Variants in PLVAP observed in about 807,000 individuals in gnomAD.
The protein encoded by PLVAP is plasmalemma vesicle-associated protein.
Under a neutral mutation model 43.1 loss-of-function variants are expected in PLVAP, and 34 were observed. The ratio of observed to expected loss-of-function variants is 0.79; its 90% confidence interval spans 0.60 to 1.05. The LOEUF is 1.05. PLVAP is among the 50% of genes least tolerant of loss of function. PLVAP has a pLI of 0.00. For missense variants in PLVAP, 574 were observed against 593.4 expected, an observed-to-expected ratio of 0.97 and a Z score of 0.34; for synonymous variants, 241 against 237.3, an observed-to-expected ratio of 1.02 and a Z score of -0.14.
At chr19:17,364,838 T>C (rs2074542111) in intron 3 of PLVAP, among the ~76,000 whole-genome samples, 2 of 145,238 alleles carry the variant, frequency 1.4e-5, no homozygotes, top group African/African-American at 5.1e-5. Flanking sequence ...AATGGCTCGA[T>C]CTTGGCTCAC....
Position 17,366,695 on chromosome 19 carries a change from A to G in PLVAP, c.370-500T>C, listed in dbSNP as rs534795479. Among the ~76,000 whole-genome samples the G allele has an allele frequency of 5.6e-3, 793 of 142,598 alleles. 2 individuals carry two copies. Among genetic ancestry groups the G allele is most frequent in the Non-Finnish European group, 9.1e-3 (596 of 65,438 alleles). The allele number at this position is 142,598 out of a possible 152,430, so 93.5% of individuals were successfully genotyped here. ...TGCCCAGGCTGGAGTGCAGTGGCGCAATCTTGGCTCACCACAACCTCTGCC... is the reference window on the plus strand; with the variant it reads ...TGCCCAGGCTGGAGTGCAGTGGCGCGATCTTGGCTCACCACAACCTCTGCC... On this transcript the variant is annotated intron_variant, in intron 1 of 5. Coordinates refer to ENST00000252590, the MANE Select transcript of PLVAP (RefSeq NM_031310.3).
In PLVAP at chr19:17,352,382, G is replaced by A. The variant is rs1212492238; in HGVS notation, c.1323-14C>T. On this transcript the variant is annotated splice_polypyrimidine_tract_variant and intron_variant, in intron 5 of 5. Coordinates refer to ENST00000252590, the MANE Select transcript of PLVAP (RefSeq NM_031310.3). ...CCTCCTCAGCCACTAGGGCAGGAAGGGGATGGTAACACAACAGAGTGTCAG... is the reference window on the plus strand; with the variant it reads ...CCTCCTCAGCCACTAGGGCAGGAAGAGGATGGTAACACAACAGAGTGTCAG... The A allele has an allele frequency of 6.2e-7, 1 of 1,613,166 alleles. No individual in the cohort carries two copies.
At chr19:17,369,187 T>TG (rs1039226484) in intron 1 of PLVAP, among the ~76,000 whole-genome samples, 17 of 151,388 alleles carry the variant, frequency 1.1e-4, no homozygotes, top group African/African-American at 3.9e-4. Context: ...TGTTTTTTTT[T>TG]TTGTTGTTGT....
chr19:17,373,974 C>A (rs969695428), intron 1 of PLVAP, among the ~76,000 whole-genome samples: 3 of 151,914 alleles, frequency 2.0e-5, no homozygotes, highest in African/African-American at 7.3e-5. Flanking sequence ...CCAGCCTGGC[C>A]AACATGGTGA....
At chr19:17,374,060 G>T (rs999036896) in intron 1 of PLVAP, among the ~76,000 whole-genome samples, 1 of 152,196 alleles carries the variant, frequency 6.6e-6, no homozygotes, top group Non-Finnish European at 1.5e-5. Context: ...TACTCGGGAG[G>T]CTGAGGCAAC....
chr19:17,360,581 C>A lies in PLVAP; in HGVS notation c.1269G>T (p.Arg423Ser). The change falls in exon 5 of 6, where the codon AGG (arginine) becomes AGT (serine). Residue 423 changes from arginine (R) to serine (S), a missense_variant. Physicochemically the swap from Arg to Ser is moderately radical, Grantham distance 110. Coordinates refer to ENST00000252590, the MANE Select transcript of PLVAP (RefSeq NM_031310.3). The part of the protein sequence containing the change: ...IDPASLEEFK[R>S]KILESQRPPA... Reference sequence around the variant, plus strand: ...GGGGCCTCTGGGACTCCAGGATCTTCCTCTTGAACTCCTCCAGGCTAGCTG... The same window carrying A: ...GGGGCCTCTGGGACTCCAGGATCTTACTCTTGAACTCCTCCAGGCTAGCTG... 2 of 1,613,668 alleles carry A rather than the reference C, an allele frequency of 1.2e-6. No homozygotes were observed. The highest frequency in any genetic ancestry group is 1.7e-6 in the Non-Finnish European group (2 of 1,179,758).
chr19:17,364,002 G>A (rs189391646), intron 3 of PLVAP, among the ~76,000 whole-genome samples: 9 of 151,670 alleles, frequency 5.9e-5, no homozygotes, highest in Middle Eastern at 3.4e-3. Context: ...CACCTCGGCC[G>A]CCCAAAGTGC....
At chr19:17,367,153 G>A (rs1343410045) in intron 1 of PLVAP, among the ~76,000 whole-genome samples, 2 of 151,130 alleles carry the variant, frequency 1.3e-5, no homozygotes, top group East Asian at 1.9e-4. Flanking sequence ...CCATGCTGCC[G>A]AGGCTGGTCT....
chr19:17,352,357 C>T lies in PLVAP; in HGVS notation c.*5G>A. The T allele has an allele frequency of 6.2e-7, 1 of 1,613,718 alleles. No individual in the cohort carries two copies. Among genetic ancestry groups the T allele is most frequent in the Non-Finnish European group, 8.5e-7 (1 of 1,179,734 alleles). ...CATCCCTTGGTCCTCAGGCCTGGAGCCTCCTCAGCCACTAGGGCAGGAAGG... is the reference window on the plus strand; with the variant it reads ...CATCCCTTGGTCCTCAGGCCTGGAGTCTCCTCAGCCACTAGGGCAGGAAGG... On this transcript the variant is annotated 3_prime_UTR_variant, in exon 6 of 6. Coordinates refer to ENST00000252590, the MANE Select transcript of PLVAP (RefSeq NM_031310.3).
At chr19:17,371,522 C>T (rs1438990223) in intron 1 of PLVAP, among the ~76,000 whole-genome samples, 4 of 151,970 alleles carry the variant, frequency 2.6e-5, no homozygotes, top group Non-Finnish European at 5.9e-5. Flanking sequence ...CATGGTCTCA[C>T]TCTGCCACCC....
Position 17,377,240 on chromosome 19 carries a change from TGCCCCC to T in PLVAP, c.43_48del (p.Gly15_Gly16del). On this transcript the variant is annotated inframe_deletion, in exon 1 of 6. Coordinates refer to ENST00000252590, the MANE Select transcript of PLVAP (RefSeq NM_031310.3). Reference sequence around the variant, plus strand: ...AGGTAATACCAGCAGCCCCGAGAGCTGCCCCCCGCCCGAGCGTAGGACCCTCCGTGC... The same window carrying T: ...AGGTAATACCAGCAGCCCCGAGAGCTCGCCCGAGCGTAGGACCCTCCGTGC... 6.2e-7 allele frequency: 1 copy of T among 1,614,034 alleles called. No individual in the cohort carries two copies. The highest frequency in any genetic ancestry group is 8.5e-7 in the Non-Finnish European group (1 of 1,179,952).
intron 1 of PLVAP, among the ~76,000 whole-genome samples, chr19:17,371,651 T>C (rs1183422332): frequency 6.6e-6 from 1 of 152,012 alleles, no homozygotes; most frequent in Non-Finnish European, 1.5e-5. Flanking sequence ...CCACCACTCC[T>C]GGCTAATTTT....
chr19:17,372,837 C>A (rs1301332751), intron 1 of PLVAP, among the ~76,000 whole-genome samples: 1 of 149,528 alleles, frequency 6.7e-6, no homozygotes, highest in Non-Finnish European at 1.5e-5. Context: ...CCAAGGCGGG[C>A]GGATCACGAG....
Position 17,351,616 on chromosome 19 carries a change from C to A in PLVAP, c.*746G>T, listed in dbSNP as rs2074485165. 1 of 152,240 alleles carries A rather than the reference C, an allele frequency of 6.6e-6. No homozygotes were observed. The highest frequency in any genetic ancestry group is 1.5e-5 in the Non-Finnish European group (1 of 68,056). 9.4% of individuals were successfully genotyped at this position (152,240 alleles called of 1,614,324 possible). A position where few individuals can be genotyped will look rare whatever the true frequency, so the allele number is the denominator to read the frequency against. ...CCTGGAAACACTCACGCTCAAGGAG[C>A]GGAGGTGAATGGCTTCCTGTTCTCA... On this transcript the variant is annotated 3_prime_UTR_variant, in exon 6 of 6. Coordinates refer to ENST00000252590, the MANE Select transcript of PLVAP (RefSeq NM_031310.3).
rs773739320 is a variant in PLVAP, at chr19:17,365,350, G to A, written c.1115C>T (p.Ala372Val). The A allele has an allele frequency of 2.2e-5, 35 of 1,613,160 alleles. No homozygotes were observed. Among genetic ancestry groups the A allele is most frequent in the Non-Finnish European group, 2.5e-5 (30 of 1,180,014 alleles). Residue 372 changes from alanine (A) to valine (V), a missense_variant, in exon 3 of 6, where the codon GCG (alanine) becomes GTG (valine). By Grantham distance (64) the Ala-to-Val change is moderately conservative. Coordinates refer to ENST00000252590, the MANE Select transcript of PLVAP (RefSeq NM_031310.3). ...AKELEEKKRE[A>V]EQLRMELAIR... ...GGCCAGCTCCATCCTGAGCTGCTCC[G>A]CCTCCCTCTTCTTCTCTTCCAGCTC...
At chr19:17,368,140 C>CG (rs1568376092) in intron 1 of PLVAP, among the ~76,000 whole-genome samples, 1 of 146,260 alleles carries the variant, frequency 6.8e-6, no homozygotes, top group Admixed American at 7.0e-5. Flanking sequence ...GGCATGATCT[C>CG]GGCTCACTGC....
chr19:17,375,867 C>A (rs183976076), intron 1 of PLVAP, among the ~76,000 whole-genome samples: 1 of 132,016 alleles, frequency 7.6e-6, no homozygotes, highest in Non-Finnish European at 1.6e-5. Flanking sequence ...GGTGACAGAG[C>A]GAGACTCCGT....
chr19:17,367,213 A>T, intron 1 of PLVAP, among the ~76,000 whole-genome samples: 1 of 150,248 alleles, frequency 6.7e-6, no homozygotes, highest in South Asian at 2.1e-4. Context: ...CCAGCCCTGA[A>T]TTTTTTTGTT....
intron 2 of PLVAP, 28 bp from the exon 3 acceptor site, chr19:17,366,026 G>A (rs762373069): frequency 1.2e-6 from 2 of 1,611,682 alleles, no homozygotes; most frequent in South Asian, 2.2e-5. Flanking sequence ...AGGAGACCCA[G>A]GAAGATTGGG....
Sources: gnomAD v4.1 joint callset for allele counts (sites outside exome capture counted in the v4.1 genomes callset) on GRCh38, gnomAD v4.1.1 for gene constraint, MANE v1.5 for transcripts, NCBI Gene and HGNC (gene_info 2026-07-23, HGNC 2026-07-21) for gene names.